Variants in TRPM7 observed in about 807,000 individuals in gnomAD.
TRPM7 encodes LTRPC ion channel family member 7.
TRPM7 carries 134 observed loss-of-function variants against 229.7 expected under a neutral mutation model. The ratio of observed to expected loss-of-function variants is 0.58; its 90% CI spans 0.51 to 0.67. The LOEUF is 0.67. TRPM7 is among the 30% of genes least tolerant of loss of function. The probability of loss-of-function intolerance (pLI) is 0.00; values close to 1 mark genes in which losing one functional copy is unlikely to be tolerated. For synonymous variants in TRPM7, 699 were observed against 715.2 expected (o/e 0.98, Z 0.36); for missense variants, 1,901 against 2,210.0 (o/e 0.86, Z 2.80).
chr15:50,594,234 G>A (rs1391251984), intron 24 of TRPM7, among the ~76,000 whole-genome samples, 195 bp downstream of exon 24: 1 of 152,114 alleles, frequency 6.6e-6, no homozygotes, highest in Non-Finnish European at 1.5e-5. Flanking sequence ...TTCTCATAAC[G>A]AAGTTTAATG....
At chr15:50,667,860 T>C (rs961952384) in intron 1 of TRPM7, among the ~76,000 whole-genome samples, 12 of 152,350 alleles carry the variant, frequency 7.9e-5, no homozygotes, top group South Asian at 2.1e-4. Context: ...ACAGGAAGCA[T>C]TGCCAAATAT....
chr15:50,686,589 G>C lies in TRPM7; in HGVS notation c.-56C>G. On this transcript the variant is annotated 5_prime_UTR_variant, in exon 1 of 39. Coordinates refer to ENST00000646667, the MANE Select transcript of TRPM7 (RefSeq NM_017672.6). ...GCAACTCCACCTCCTCCTCCTCCGCGGCCTGTAGCCATCTATCGGGAAGCG... is the reference window on the plus strand; with the variant it reads ...GCAACTCCACCTCCTCCTCCTCCGCCGCCTGTAGCCATCTATCGGGAAGCG... 6.2e-7 allele frequency: 1 copy of C among 1,602,558 alleles called. No individual in the cohort carries two copies. Among genetic ancestry groups the C allele is most frequent in the Non-Finnish European group, 8.5e-7 (1 of 1,174,228 alleles).
At chr15:50,685,024 C>T (rs984878852) in intron 1 of TRPM7, among the ~76,000 whole-genome samples, 11 of 152,198 alleles carry the variant, frequency 7.2e-5, no homozygotes, top group African/African-American at 2.4e-4. Context: ...ATAAAGTATC[C>T]ATAAATGACA....
intron 1 of TRPM7, among the ~76,000 whole-genome samples, chr15:50,674,711 G>C (rs1596347305): frequency 6.6e-6 from 1 of 152,066 alleles, no homozygotes; most frequent in Non-Finnish European, 1.5e-5. Flanking sequence ...AGCATTTCTT[G>C]TAACACAGGT....
chr15:50,619,632 G>C, intron 13 of TRPM7, 113 bp downstream of exon 13: 1 of 912,432 alleles, frequency 1.1e-6, no homozygotes, highest in Admixed American at 3.1e-5. Flanking sequence ...TCTGTAAACT[G>C]TAATTTTATT....
intron 11 of TRPM7, among the ~76,000 whole-genome samples, chr15:50,625,512 G>C (rs1391625778): frequency 1.3e-5 from 2 of 152,054 alleles, no homozygotes; most frequent in Admixed American, 1.3e-4. Context: ...GGGTTCAAGG[G>C]ATGTTCCCAC....
intron 30 of TRPM7, 37 bp downstream of exon 30, chr15:50,580,837 T>C (rs369628405): frequency 6.4e-6 from 10 of 1,569,418 alleles, no homozygotes; most frequent in Non-Finnish European, 8.6e-6. Flanking sequence ...ATAACTATGA[T>C]ACTTCGCAAG....
intron 28 of TRPM7, among the ~76,000 whole-genome samples, chr15:50,584,570 G>C (rs2054593984): frequency 6.6e-6 from 1 of 150,862 alleles, no homozygotes; most frequent in African/African-American, 2.4e-5. Context: ...TATTTCTAGT[G>C]ATCACTTACT....
intron 13 of TRPM7, 111 bp from the exon 14 acceptor site, chr15:50,614,374 A>G: frequency 9.6e-7 from 1 of 1,047,102 alleles, no homozygotes; most frequent in Non-Finnish European, 1.3e-6. Context: ...ACTTCTTATA[A>G]GAAGCAAGGG....
chr15:50,586,009 AGTGT>A (rs1288948578), intron 28 of TRPM7, among the ~76,000 whole-genome samples: 1 of 103,092 alleles, frequency 9.7e-6, no homozygotes, highest in African/African-American at 2.7e-5. Flanking sequence ...AAATTTTCAG[AGTGT>A]GTGTATTTTA....
intron 16 of TRPM7, among the ~76,000 whole-genome samples, 172 bp from the exon 17 acceptor site, chr15:50,611,493 T>A (rs2060061632): frequency 6.6e-6 from 1 of 152,170 alleles, no homozygotes; most frequent in South Asian, 2.1e-4. Flanking sequence ...TATGTGGAAA[T>A]CACAAAATAT....
At chr15:50,575,266 A>G in intron 33 of TRPM7, 131 bp from the exon 34 acceptor site, 1 of 678,692 alleles carries the variant, frequency 1.5e-6, no homozygotes. Context: ...GTTTTATACA[A>G]AGAAATTTAA....
intron 21 of TRPM7, among the ~76,000 whole-genome samples, chr15:50,600,447 A>AT (rs1422672387): frequency 4.6e-5 from 7 of 151,818 alleles, no homozygotes; most frequent in African/African-American, 1.7e-4. Context: ...AAAAAAAAAA[A>AT]AAAAAGGGAA....
chr15:50,612,738 G>A lies in TRPM7; in HGVS notation c.1862C>T (p.Pro621Leu), dbSNP rs2060095744. The part of the protein sequence containing the change: ...DDPETKRFPY[P>L]LNELLIWACL... ...AGCCCAAATTAAAAGTTCATTAAGT[G>A]GATAAGGAAAGCGCTTGGTTTCTGG... is the stretch of plus-strand genomic sequence containing the variant. Residue 621 changes from proline to leucine, a missense_variant, in exon 16 of 39, where the codon CCA (proline) becomes CTA (leucine). Physicochemically the swap from Pro to Leu is moderately conservative, Grantham distance 98 (BLOSUM62 -3). Around this residue, in one of 8 missense-constraint regions of TRPM7, gnomAD observed 794 missense variants for 881.9 expected, o/e 0.90. Transcript: ENST00000646667. 6.2e-7 allele frequency: 1 copy of A among 1,613,958 alleles called. No individual in the cohort carries two copies. The highest frequency in any genetic ancestry group is 8.5e-7 in the Non-Finnish European group (1 of 1,180,008).
In TRPM7 at chr15:50,575,793, C is replaced by A; in HGVS notation, c.4670-4G>T. 1 of 1,613,336 alleles carries A rather than the reference C, an allele frequency of 6.2e-7. No individual in the cohort carries two copies. Among genetic ancestry groups the A allele is most frequent in the Non-Finnish European group, 8.5e-7 (1 of 1,179,674 alleles). ...ATCAAGTTATTTCTTTCCACAGCTGCATAAAAATGAGAGAGAAATAATTAA... is the reference window on the plus strand; with the variant it reads ...ATCAAGTTATTTCTTTCCACAGCTGAATAAAAATGAGAGAGAAATAATTAA... On this transcript the variant is annotated splice_polypyrimidine_tract_variant and splice_region_variant and intron_variant, in intron 32 of 38. Transcript: ENST00000646667.
intron 36 of TRPM7, among the ~76,000 whole-genome samples, chr15:50,571,103 T>A (rs2053864062): frequency 1.3e-5 from 2 of 152,296 alleles, no homozygotes; most frequent in South Asian, 2.1e-4. Flanking sequence ...ATATTTTGAA[T>A]AATCACAAAT....
At chr15:50,583,564 T>G (rs998493232) in intron 28 of TRPM7, among the ~76,000 whole-genome samples, 5 of 146,550 alleles carry the variant, frequency 3.4e-5, no homozygotes, top group African/African-American at 1.3e-4. Context: ...ATTTTAAACT[T>G]TAAGCTTAGA....
rs1312275170 is a variant in TRPM7, at chr15:50,626,142, T to G, written c.1306-1842A>C. 3.3e-5 allele frequency among the ~76,000 whole-genome samples: 5 copies of G among 152,196 alleles called. No homozygotes were observed. The East Asian group carries it at 9.6e-4, about 29-fold the overall frequency. The stretch of plus-strand genomic sequence containing the variant: ...CATTTACACTGATTCTTATTATAAC[T>G]GCAGGCATCTGACTTATTATGTGTT... On this transcript the variant is annotated intron_variant, in intron 11 of 38. Coordinates refer to ENST00000646667, the MANE Select transcript of TRPM7 (RefSeq NM_017672.6).
chr15:50,683,619 A>G (rs996158123), intron 1 of TRPM7, among the ~76,000 whole-genome samples: 1 of 152,090 alleles, frequency 6.6e-6, no homozygotes, highest in Non-Finnish European at 1.5e-5. Context: ...CTGTAATCCC[A>G]GCTTCGGGAG....
Sources: gnomAD v4.1 joint callset for allele counts (sites outside exome capture counted in the v4.1 genomes callset) on GRCh38, gnomAD v4.1.1 for gene constraint, gnomAD v4.1.1 regional missense constraint, MANE v1.5 for transcripts, NCBI Gene and HGNC (gene_info 2026-07-23, HGNC 2026-07-21) for gene names.